The following BBS9 variants were observed in gnomAD, a reference collection of about 807,000 sequenced individuals.
BBS9 encodes protein PTHB1.
Under a neutral mutation model 117.7 loss-of-function variants are expected in BBS9, and 89 were observed. That is an observed-to-expected ratio of 0.76 (90% CI 0.64 to 0.90). BBS9 has a LOEUF of 0.90. Ranked by LOEUF, BBS9 falls within the 40% of genes least tolerant of loss-of-function variation. The probability of loss-of-function intolerance (pLI) is 0.00; values close to 1 mark genes in which losing one functional copy is unlikely to be tolerated. For synonymous variants in BBS9, 379 were observed against 370.9 expected (o/e 1.02, Z -0.25); for missense variants, 982 against 1,042.2 (o/e 0.94, Z 0.80).
At chr7:33,396,405 TAATA>T (rs1274220246) in intron 19 of BBS9, among the ~76,000 whole-genome samples, 9 of 152,152 alleles carry the variant, frequency 5.9e-5, no homozygotes, top group African/African-American at 1.9e-4. Flanking sequence ...AAATAGTATA[TAATA>T]AGTTACAAAT....
chr7:33,407,429 C>T (rs1028224702), intron 19 of BBS9, among the ~76,000 whole-genome samples: 14 of 152,242 alleles, frequency 9.2e-5, no homozygotes, highest in Admixed American at 3.3e-4. Flanking sequence ...CTTCTTCTCT[C>T]AACTCGTCAA....
At chr7:33,431,137 T>C (rs1031521351) in intron 19 of BBS9, among the ~76,000 whole-genome samples, 3 of 151,274 alleles carry the variant, frequency 2.0e-5, no homozygotes, top group Non-Finnish European at 2.9e-5. Flanking sequence ...AGAGGTTGCG[T>C]TGAGCCAAGA....
intron 1 of BBS9, among the ~76,000 whole-genome samples, chr7:33,139,745 A>C (rs2128075055): frequency 6.6e-6 from 1 of 151,942 alleles, no homozygotes; most frequent in Middle Eastern, 3.4e-3. Context: ...TTACTTTCTT[A>C]TTTTCTCTCC....
chr7:33,420,509 G>A (rs1832696512), intron 19 of BBS9, among the ~76,000 whole-genome samples: 1 of 152,108 alleles, frequency 6.6e-6, no homozygotes, highest in South Asian at 2.1e-4. Context: ...ATACTGTTAC[G>A]AGGTTTGGGC....
intron 15 of BBS9, among the ~76,000 whole-genome samples, chr7:33,355,988 G>A (rs762731679): frequency 3.9e-4 from 59 of 151,720 alleles, no homozygotes; most frequent in South Asian, 8.3e-4. Flanking sequence ...GCCAAATTCT[G>A]GTTTGAGTAA....
At chr7:33,578,943 T>G (rs1859413332) in intron 21 of BBS9, among the ~76,000 whole-genome samples, 1 of 152,124 alleles carries the variant, frequency 6.6e-6, no homozygotes, top group Non-Finnish European at 1.5e-5. Flanking sequence ...GAAATATGCA[T>G]TAAAAGTACC....
intron 17 of BBS9, among the ~76,000 whole-genome samples, chr7:33,370,479 A>AT (rs1415138600): frequency 1.3e-5 from 2 of 152,238 alleles, no homozygotes; most frequent in South Asian, 2.1e-4. Flanking sequence ...CAAAAAAAAA[A>AT]GTAGTGCTTA....
chr7:33,129,313 A>T (rs568191336), upstream of BBS9: 192 of 548,784 alleles, frequency 3.5e-4, 1 homozygote, highest in African/African-American at 3.3e-3. Context: ...CCCGGAGCCC[A>T]GGCAGGAGGA....
At chr7:33,262,988 G>A (rs1240867025) in intron 6 of BBS9, among the ~76,000 whole-genome samples, 2 of 152,140 alleles carry the variant, frequency 1.3e-5, no homozygotes, top group Non-Finnish European at 2.9e-5. Flanking sequence ...CAACTAGTGT[G>A]GGAGCACCTT....
intron 5 of BBS9, among the ~76,000 whole-genome samples, chr7:33,182,468 A>G (rs1206083438): frequency 1.3e-5 from 2 of 152,168 alleles, no homozygotes; most frequent in African/African-American, 4.8e-5. Flanking sequence ...AAGTTGAACA[A>G]TTTTCAAGAG....
intron 9 of BBS9, among the ~76,000 whole-genome samples, chr7:33,305,647 C>T (rs192424995): frequency 1.1e-3 from 173 of 152,162 alleles, no homozygotes; most frequent in African/African-American, 3.9e-3. Flanking sequence ...AGGTTGTATG[C>T]GTCTAGGAAT....
At chr7:33,439,789 A>T (rs1835883752) in intron 19 of BBS9, among the ~76,000 whole-genome samples, 1 of 152,126 alleles carries the variant, frequency 6.6e-6, no homozygotes, top group South Asian at 2.1e-4. Flanking sequence ...GGCCTCCCAA[A>T]GTGTTGGGAT....
chr7:33,461,464 A>G (rs974256766), intron 19 of BBS9, among the ~76,000 whole-genome samples: 1 of 151,870 alleles, frequency 6.6e-6, no homozygotes, highest in African/African-American at 2.4e-5. Context: ...CACTTTTTCC[A>G]AAGTTACTTA....
At chr7:33,558,399 G>A (rs1363918424) in intron 21 of BBS9, among the ~76,000 whole-genome samples, 3 of 152,054 alleles carry the variant, frequency 2.0e-5, no homozygotes, top group Non-Finnish European at 4.4e-5. Context: ...GTGTGAAGAT[G>A]CACTTGATGG....
rs1402456001 is a variant in BBS9 at position 33,305,343 on chromosome 7, A to G, written c.1017-31098A>G. 4.7e-4 allele frequency among the ~76,000 whole-genome samples: 71 copies of G among 152,270 alleles called. 1 individual carries two copies. The highest frequency in any genetic ancestry group is 2.1e-4 in the Non-Finnish European group (14 of 68,020). On this transcript the variant is annotated intron_variant, in intron 9 of 22. Transcript: ENST00000242067. Reference sequence around the variant, plus strand: ...GAGAATATTTGTGTCAATATTCATCAGGGATACTAGCCTTTAGTTTTATTT... The same window carrying G: ...GAGAATATTTGTGTCAATATTCATCGGGGATACTAGCCTTTAGTTTTATTT...
intron 4 of BBS9, among the ~76,000 whole-genome samples, chr7:33,174,712 G>T (rs1076462): frequency 0.2 from 30,118 of 152,184 alleles, 3,159 homozygotes; most frequent in Non-Finnish European, 0.23. Flanking sequence ...ATGTAAGGAG[G>T]CAGCTTTAGG....
At chr7:33,516,223 G>T (rs1251063913) in intron 20 of BBS9, among the ~76,000 whole-genome samples, 2 of 152,152 alleles carry the variant, frequency 1.3e-5, no homozygotes, top group Admixed American at 1.3e-4. Flanking sequence ...GGGCGCGGTG[G>T]CTCACACCTG....
chr7:33,454,717 A>G (rs1179048762), intron 19 of BBS9, among the ~76,000 whole-genome samples: 1 of 152,196 alleles, frequency 6.6e-6, no homozygotes, highest in Non-Finnish European at 1.5e-5. Context: ...CACACCTGCT[A>G]TATAGTGAGT....
rs1844337411 is a variant in BBS9 at position 33,493,694 on chromosome 7, G to A, written c.2116-11769G>A. 5.3e-5 allele frequency among the ~76,000 whole-genome samples: 8 copies of A among 152,292 alleles called. No homozygotes were observed. In the South Asian group the frequency reaches 1.7e-3, roughly 32 times the overall value. ...GGATTGGACAATAATCCAAGGCAGT[G>A]TCTTTTTCCCCTCGTAATGGACGTC... On this transcript the variant is annotated intron_variant, in intron 19 of 22. Transcript: ENST00000242067.
Sources: gnomAD v4.1 joint callset for allele counts (sites outside exome capture counted in the v4.1 genomes callset) on GRCh38, gnomAD v4.1.1 for gene constraint, MANE v1.5 for transcripts, NCBI Gene and HGNC (gene_info 2026-07-23, HGNC 2026-07-21) for gene names.